Variants in AK5 observed in about 807,000 individuals in gnomAD.
The protein encoded by AK5 is adenylate kinase 5.
AK5 carries 27 observed loss-of-function variants against 69.5 expected under a neutral mutation model. That is an observed-to-expected ratio of 0.39 (90% CI 0.29 to 0.54). AK5 has a LOEUF of 0.54. AK5 is among the 20% of genes least tolerant of loss of function. The pLI, the probability that AK5 is intolerant of heterozygous loss-of-function variation, is 0.71. For synonymous variants in AK5, 260 were observed against 244.4 expected (o/e 1.06, Z -0.60); for missense variants, 531 against 700.4 (o/e 0.76, Z 2.73).
At chr1:77,448,669 A>G (rs1395454206) in intron 8 of AK5, among the ~76,000 whole-genome samples, 1 of 152,224 alleles carries the variant, frequency 6.6e-6, no homozygotes, top group East Asian at 1.9e-4. Flanking sequence ...AAAGAGCTAT[A>G]ACACAAACAG....
chr1:77,494,925 G>A (rs1656221081), intron 10 of AK5, among the ~76,000 whole-genome samples: 1 of 151,906 alleles, frequency 6.6e-6, no homozygotes, highest in African/African-American at 2.4e-5. Flanking sequence ...GGGACTACAG[G>A]TGCCCGTCAC....
At chr1:77,523,112 G>A (rs1315027693) in intron 12 of AK5, among the ~76,000 whole-genome samples, 1 of 152,106 alleles carries the variant, frequency 6.6e-6, no homozygotes, top group East Asian at 1.9e-4. Flanking sequence ...GTCTCTGGGG[G>A]TTTACTTTGA....
Position 77,282,169 on chromosome 1 carries a change from G to A in AK5, c.-145G>A. Reference sequence around the variant, plus strand: ...GGCGGAGGGGGTCCCTGGCCTGGGCGGAGAGGCTGAGCTGAGTGCGCGTGA... The same window carrying A: ...GGCGGAGGGGGTCCCTGGCCTGGGCAGAGAGGCTGAGCTGAGTGCGCGTGA... On this transcript the variant is annotated 5_prime_UTR_variant, in exon 1 of 14. Transcript: ENST00000354567. 1.6e-6 allele frequency: 1 copy of A among 643,558 alleles called. No homozygotes were observed. Among genetic ancestry groups the A allele is most frequent in the Non-Finnish European group, 2.5e-6 (1 of 402,682 alleles). 39.9% of individuals were successfully genotyped at this position (643,558 alleles called of 1,614,324 possible).
intron 12 of AK5, among the ~76,000 whole-genome samples, chr1:77,526,017 C>T (rs868189290): frequency 1.8e-4 from 27 of 152,120 alleles, no homozygotes; most frequent in South Asian, 2.1e-4. Context: ...TACATTAAAT[C>T]TGTAGATCAC....
At chr1:77,443,397 A>G (rs1440565429) in intron 8 of AK5, among the ~76,000 whole-genome samples, 3 of 152,212 alleles carry the variant, frequency 2.0e-5, no homozygotes, top group African/African-American at 7.2e-5. Flanking sequence ...TGCAAGGTGC[A>G]AGATACTTAA....
At chr1:77,324,125 CA>C (rs1660667812) in intron 5 of AK5, among the ~76,000 whole-genome samples, 1 of 152,144 alleles carries the variant, frequency 6.6e-6, no homozygotes, top group Non-Finnish European at 1.5e-5. Context: ...AGAGCCTTGG[CA>C]ATCTACCCAT....
At chr1:77,453,249 A>G (rs1653264984) in intron 8 of AK5, among the ~76,000 whole-genome samples, 1 of 152,204 alleles carries the variant, frequency 6.6e-6, no homozygotes, top group Admixed American at 6.5e-5. Context: ...TTCTCTGTTC[A>G]CTGATACATC....
intron 5 of AK5, chr1:77,314,773 C>A (rs1384839536): frequency 6.6e-6 from 1 of 152,122 alleles, no homozygotes; most frequent in African/African-American, 2.4e-5. Flanking sequence ...TGTAAAGGTA[C>A]TGTTTAATTC....
chr1:77,338,909 T>C (rs1421223891), intron 5 of AK5, among the ~76,000 whole-genome samples: 1 of 152,176 alleles, frequency 6.6e-6, no homozygotes, highest in African/African-American at 2.4e-5. Context: ...GATAAGGACA[T>C]AGAGGTTTAG....
At chr1:77,490,425 G>A (rs1441293568) in intron 10 of AK5, among the ~76,000 whole-genome samples, 1 of 152,196 alleles carries the variant, frequency 6.6e-6, no homozygotes, top group Non-Finnish European at 1.5e-5. Context: ...CAAAGGGGAA[G>A]GTGGCAAGGA....
chr1:77,540,967 C>A (rs1007131611), intron 13 of AK5, among the ~76,000 whole-genome samples: 1 of 151,790 alleles, frequency 6.6e-6, no homozygotes, highest in Admixed American at 6.6e-5. Flanking sequence ...AATGCAATGG[C>A]GCAATCTTGG....
At chr1:77,364,833 G>T (rs1456163922) in intron 6 of AK5, among the ~76,000 whole-genome samples, 1 of 152,110 alleles carries the variant, frequency 6.6e-6, no homozygotes, top group Admixed American at 6.6e-5. Flanking sequence ...ATAAACATGG[G>T]GGTACAGCTG....
At chr1:77,385,235 C>A (rs1329932537) in intron 6 of AK5, among the ~76,000 whole-genome samples, 2 of 152,138 alleles carry the variant, frequency 1.3e-5, no homozygotes, top group Non-Finnish European at 2.9e-5. Flanking sequence ...TCTCGGCTCA[C>A]TGCAAGCTCC....
At chr1:77,557,788 TAG>T (rs755484535) in intron 13 of AK5, among the ~76,000 whole-genome samples, 19 of 152,228 alleles carry the variant, frequency 1.2e-4, no homozygotes, top group Non-Finnish European at 2.5e-4. Flanking sequence ...TTGTTTTAAA[TAG>T]ACTTTCCTTT....
intron 12 of AK5, among the ~76,000 whole-genome samples, chr1:77,525,097 C>T (rs757433905): frequency 1.5e-4 from 23 of 152,080 alleles, no homozygotes; most frequent in Non-Finnish European, 2.8e-4. Context: ...TTAGTAGAGA[C>T]GGAGTTTCAC....
chr1:77,447,106 C>T (rs1206476833), intron 8 of AK5, among the ~76,000 whole-genome samples: 1 of 152,214 alleles, frequency 6.6e-6, no homozygotes, highest in Non-Finnish European at 1.5e-5. Context: ...TCCCCAAAGA[C>T]TGAAATAAAA....
intron 10 of AK5, among the ~76,000 whole-genome samples, chr1:77,499,447 T>TC (rs1298651095): frequency 6.6e-6 from 1 of 152,184 alleles, no homozygotes; most frequent in Non-Finnish European, 1.5e-5. Flanking sequence ...AGGAAGTGGA[T>TC]CACGCGTTAC....
chr1:77,420,153 A>G (rs1431548156), intron 8 of AK5, among the ~76,000 whole-genome samples: 1 of 152,036 alleles, frequency 6.6e-6, no homozygotes, highest in Non-Finnish European at 1.5e-5. Flanking sequence ...GAAAGTAGAA[A>G]AGGTAAGGGG....
At chr1:77,429,161 C>A (rs1197337385) in intron 8 of AK5, among the ~76,000 whole-genome samples, 1 of 152,006 alleles carries the variant, frequency 6.6e-6, no homozygotes, top group Non-Finnish European at 1.5e-5. Flanking sequence ...GTTCTAGATC[C>A]CTGAGGAATC....
Sources: gnomAD v4.1 joint callset for allele counts (sites outside exome capture counted in the v4.1 genomes callset) on GRCh38, gnomAD v4.1.1 for gene constraint, MANE v1.5 for transcripts, NCBI Gene and HGNC (gene_info 2026-07-23, HGNC 2026-07-21) for gene names.